PTPRN2: variants seen among roughly 807,000 people sequenced by gnomAD.
PTPRN2 encodes protein tyrosine phosphatase receptor type N2.
In PTPRN2, 74 loss-of-function variants were observed where a neutral mutation model predicts 118.8. The observed-to-expected ratio is 0.62, with a 90% CI of 0.52 to 0.76. The LOEUF (loss-of-function observed/expected upper bound fraction) is 0.76. PTPRN2 is among the 30% of genes least tolerant of loss of function. PTPRN2 has a pLI of 0.00. For missense variants in PTPRN2, 1,481 were observed against 1,394.4 expected, an observed-to-expected ratio of 1.06 and a Z score of -0.99; for synonymous variants, 641 against 608.0, an observed-to-expected ratio of 1.05 and a Z score of -0.80.
chr7:157,549,317 C>CTTT (rs1265288004), intron 21 of PTPRN2, among the ~76,000 whole-genome samples: 3 of 128,300 alleles, frequency 2.3e-5, no homozygotes, highest in African/African-American at 5.8e-5. Context: ...TCTTTTCTTT[C>CTTT]TTTTCTTTTT....
chr7:158,311,824 C>T (rs1801767034), intron 3 of PTPRN2, among the ~76,000 whole-genome samples: 1 of 152,054 alleles, frequency 6.6e-6, no homozygotes, highest in South Asian at 2.1e-4. Flanking sequence ...TAGACACCCA[C>T]ACACATGCAC....
chr7:157,723,988 T>A (rs559464087), intron 12 of PTPRN2, among the ~76,000 whole-genome samples: 42 of 152,336 alleles, frequency 2.8e-4, no homozygotes, highest in Non-Finnish European at 5.3e-4. Context: ...AATTTAGGCT[T>A]CCCCCGTCTG....
intron 12 of PTPRN2, among the ~76,000 whole-genome samples, chr7:157,761,247 T>C (rs933696302): frequency 1.3e-5 from 2 of 152,162 alleles, no homozygotes; most frequent in Admixed American, 6.5e-5. Flanking sequence ...GGAAAAAAAC[T>C]ACTTTAAAGT....
At chr7:158,426,272 G>C (rs369247539) in intron 2 of PTPRN2, among the ~76,000 whole-genome samples, 2 of 1,306 alleles carry the variant, frequency 1.5e-3, no homozygotes, top group South Asian at 0.025. Flanking sequence ...GGGTCCAAGT[G>C]CAGCCTAGCT....
intron 16 of PTPRN2, among the ~76,000 whole-genome samples, chr7:157,599,610 T>G (rs1801544011): frequency 6.6e-6 from 1 of 152,246 alleles, no homozygotes; most frequent in African/African-American, 2.4e-5. Flanking sequence ...ACCACTGGAC[T>G]GTGTCCTGCA....
rs372210688 is a variant in PTPRN2, at chr7:157,544,966, G to T, written c.2976+3980C>A. ...GGTGGGTGTGTGGATGTGTGTGGGG[G>T]TGTGCACAGCTGTGCAGGTGTGTGG... On this transcript the variant is annotated intron_variant, in intron 22 of 22. Coordinates refer to ENST00000389418, the MANE Select transcript of PTPRN2 (RefSeq NM_002847.5). Among the ~76,000 whole-genome samples, 896 of 150,466 alleles carry T rather than the reference G, an allele frequency of 6.0e-3. 14 individuals carry two copies. The highest frequency in any genetic ancestry group is 0.021 in the African/African-American group (852 of 40,964).
chr7:158,030,059 G>A (rs1807574948), intron 11 of PTPRN2: 1 of 152,214 alleles, frequency 6.6e-6, no homozygotes, highest in African/African-American at 2.4e-5. Context: ...ATACTATTTT[G>A]TTAGATTAGA....
At chr7:158,365,068 G>T (rs1246705456) in intron 2 of PTPRN2, among the ~76,000 whole-genome samples, 1 of 151,980 alleles carries the variant, frequency 6.6e-6, no homozygotes, top group Non-Finnish European at 1.5e-5. Context: ...TGGTCAAATT[G>T]GGTGGTTTAC....
At chr7:157,757,904 G>T (rs1032026960) in intron 12 of PTPRN2, among the ~76,000 whole-genome samples, 17 of 152,212 alleles carry the variant, frequency 1.1e-4, no homozygotes, top group African/African-American at 3.6e-4. Context: ...CCGCGCACAA[G>T]AAGGCAGTGC....
chr7:158,281,075 G>C (rs181712113), intron 3 of PTPRN2, among the ~76,000 whole-genome samples: 1 of 152,184 alleles, frequency 6.6e-6, no homozygotes, highest in East Asian at 1.9e-4. Context: ...AGGCCGAGTC[G>C]GGCAGATCTC....
rs1190195019 is a variant in PTPRN2 at position 157,690,451 on chromosome 7, C to T, written c.1789-7514G>A. Among the ~76,000 whole-genome samples the T allele has an allele frequency of 6.6e-6, 1 of 152,162 alleles. No homozygotes were observed. The highest frequency in any genetic ancestry group is 6.5e-5 in the Admixed American group (1 of 15,282). ...GCGCCTGGTGATGCTCTCGTGGGCC[C>T]TTCCTGCTCCCTCCGCCCCCATCCC... is the stretch of plus-strand genomic sequence containing the variant. On this transcript the variant is annotated intron_variant, in intron 12 of 22. Coordinates refer to ENST00000389418, the MANE Select transcript of PTPRN2 (RefSeq NM_002847.5). This position sits in a 1 kb window ranked among gnomAD's most constrained non-coding sequence, Gnocchi z 7.1.
At chr7:158,222,229 T>C (rs1320993055) in intron 3 of PTPRN2, among the ~76,000 whole-genome samples, 1 of 152,152 alleles carries the variant, frequency 6.6e-6, no homozygotes, top group Non-Finnish European at 1.5e-5. Context: ...TATGGGCATA[T>C]AGCCAAAGGA....
intron 12 of PTPRN2, among the ~76,000 whole-genome samples, chr7:157,689,291 C>G (rs1585242465): frequency 6.6e-6 from 1 of 152,364 alleles, no homozygotes; most frequent in East Asian, 1.9e-4. Context: ...GCGAAGACCC[C>G]TCGGACACCC....
rs1407279654 is a variant in PTPRN2, at chr7:158,271,663, G to A, written c.277+45156C>T. 2.0e-5 allele frequency among the ~76,000 whole-genome samples: 3 copies of A among 152,176 alleles called. No individual in the cohort carries two copies. The East Asian group carries it at 5.8e-4, about 29-fold the overall frequency. On this transcript the variant is annotated intron_variant, in intron 3 of 22. Coordinates refer to ENST00000389418, the MANE Select transcript of PTPRN2 (RefSeq NM_002847.5). ...CAGGCTGCTATAAGAAAATACCATA[G>A]CTTGGGTAATTGATAAACAACAGAG...
chr7:157,594,351 T>C (rs1320647807), intron 17 of PTPRN2, among the ~76,000 whole-genome samples: 1 of 152,180 alleles, frequency 6.6e-6, no homozygotes, highest in Non-Finnish European at 1.5e-5. Context: ...CTCACCCCAG[T>C]GCTGCACAGG....
intron 14 of PTPRN2, among the ~76,000 whole-genome samples, chr7:157,634,780 C>T (rs536440557): frequency 4.4e-4 from 67 of 152,344 alleles, no homozygotes; most frequent in African/African-American, 1.6e-3. Context: ...GGGGTTCTAG[C>T]CCATTAAATC....
At chr7:157,670,252 C>T (rs1029491029) in intron 13 of PTPRN2, among the ~76,000 whole-genome samples, 1 of 152,138 alleles carries the variant, frequency 6.6e-6, no homozygotes, top group Non-Finnish European at 1.5e-5. Flanking sequence ...TACGGGCTCA[C>T]GGGACCCGCG....
At chr7:157,776,471 C>T (rs201079823) in intron 12 of PTPRN2, among the ~76,000 whole-genome samples, 1 of 143,440 alleles carries the variant, frequency 7.0e-6, no homozygotes, top group Non-Finnish European at 1.5e-5. Context: ...CCCTCTCCTT[C>T]TCCCTCTCCT....
chr7:158,384,490 C>G (rs1434595377), intron 2 of PTPRN2, among the ~76,000 whole-genome samples: 2 of 152,166 alleles, frequency 1.3e-5, no homozygotes, highest in African/African-American at 4.8e-5. Flanking sequence ...GGCTCCTTAA[C>G]AGTTACAGAT....
Sources: gnomAD v4.1 joint callset for allele counts (sites outside exome capture counted in the v4.1 genomes callset) on GRCh38, gnomAD v4.1.1 for gene constraint, Gnocchi (gnomAD v3.1) non-coding constraint, MANE v1.5 for transcripts, NCBI Gene and HGNC (gene_info 2026-07-23, HGNC 2026-07-21) for gene names.